GRIK2: variants seen among roughly 807,000 people sequenced by gnomAD.
The protein encoded by GRIK2 is glutamate receptor ionotropic, kainate 2.
Under a neutral mutation model 100.3 loss-of-function variants are expected in GRIK2, and 32 were observed. The observed-to-expected ratio is 0.32, with a 90% CI of 0.24 to 0.43. The LOEUF (loss-of-function observed/expected upper bound fraction) is 0.43, where lower values mean the gene tolerates loss of function less well. Among genes scored for constraint, GRIK2 ranks in the 20% least tolerant of loss-of-function variants. The probability of loss-of-function intolerance (pLI) is 1.00; values close to 1 mark genes in which losing one functional copy is unlikely to be tolerated. For missense variants in GRIK2, 843 were observed against 1,114.9 expected, an observed-to-expected ratio of 0.76 and a Z score of 3.47; for synonymous variants, 417 against 389.4, an observed-to-expected ratio of 1.07 and a Z score of -0.83.
At chr6:101,956,452 T>G (rs1175617253) in intron 14 of GRIK2, among the ~76,000 whole-genome samples, 1 of 152,092 alleles carries the variant, frequency 6.6e-6, no homozygotes, top group Non-Finnish European at 1.5e-5. Flanking sequence ...TGCGTAGTGG[T>G]GAAGTCTTGG....
At chr6:101,524,718 G>GTTTTTTTTTTTT (rs11339091) in intron 2 of GRIK2, among the ~76,000 whole-genome samples, 2 of 134,284 alleles carry the variant, frequency 1.5e-5, no homozygotes, top group Non-Finnish European at 3.2e-5. Context: ...TTGCATGTTC[G>GTTTTTTTTTTTT]TTTTTTTTTT....
chr6:101,759,877 A>AATT (rs1777386131), intron 7 of GRIK2, among the ~76,000 whole-genome samples: 1 of 132,328 alleles, frequency 7.6e-6, no homozygotes, highest in East Asian at 2.5e-4. Context: ...ATTTATTTTT[A>AATT]TTTTTATTTT....
chr6:101,530,655 G>C (rs1301008754), intron 2 of GRIK2, among the ~76,000 whole-genome samples: 1 of 151,984 alleles, frequency 6.6e-6, no homozygotes, highest in Non-Finnish European at 1.5e-5. Context: ...TTTTGAATGA[G>C]TAATGATTAC....
At position 101,548,332 on chromosome 6, in the gene GRIK2, C is replaced by T. The variant is rs1582691080; in HGVS notation, c.116-73617C>T. 5.3e-5 allele frequency among the ~76,000 whole-genome samples: 8 copies of T among 152,130 alleles called. No homozygotes were observed. The South Asian group carries it at 1.7e-3, about 32-fold the overall frequency. ...AGAAGCTCCTTAGTTGAATTAGATC[C>T]CATTTGTCAATTTTGGCTTTTGTTG... On this transcript the variant is annotated intron_variant, in intron 2 of 16. Transcript: ENST00000369134.
chr6:102,019,735 A>T (rs947491621), intron 14 of GRIK2, among the ~76,000 whole-genome samples: 4 of 152,022 alleles, frequency 2.6e-5, no homozygotes, highest in African/African-American at 4.8e-5. Context: ...TCACAGCAAG[A>T]GCATTGCTCT....
intron 11 of GRIK2, among the ~76,000 whole-genome samples, chr6:101,883,255 T>A (rs1224402436): frequency 1.3e-5 from 2 of 148,776 alleles, no homozygotes; most frequent in East Asian, 2.0e-4. Context: ...AAAAAATCAA[T>A]GAAAATACAA....
intron 16 of GRIK2, chr6:102,065,726 A>T: frequency 2.2e-6 from 2 of 905,870 alleles, no homozygotes; most frequent in Non-Finnish European, 3.3e-6. Context: ...TAACAATTTT[A>T]AATGTCAACG....
chr6:101,697,580 C>T (rs1024893958), intron 7 of GRIK2, among the ~76,000 whole-genome samples: 14 of 151,816 alleles, frequency 9.2e-5, no homozygotes, highest in Non-Finnish European at 1.9e-4. Context: ...CAGATCATTT[C>T]GTTTTTAAGT....
At chr6:101,771,984 C>T (rs1234315497) in intron 7 of GRIK2, among the ~76,000 whole-genome samples, 1 of 152,050 alleles carries the variant, frequency 6.6e-6, no homozygotes, top group Non-Finnish European at 1.5e-5. Flanking sequence ...AATAGTGTCG[C>T]AATAAACATA....
At chr6:101,819,006 G>A (rs150318923) in intron 10 of GRIK2, among the ~76,000 whole-genome samples, 44 of 152,146 alleles carry the variant, frequency 2.9e-4, no homozygotes, top group Non-Finnish European at 5.3e-4. Flanking sequence ...AATGGCAAGT[G>A]CTTTTTAAAG....
intron 14 of GRIK2, among the ~76,000 whole-genome samples, chr6:101,973,899 T>C (rs9498777): frequency 0.016 from 2,474 of 151,950 alleles, 72 homozygotes; most frequent in African/African-American, 0.058. Flanking sequence ...TCTGGAGAGG[T>C]CTTACAAGTG....
intron 2 of GRIK2, among the ~76,000 whole-genome samples, chr6:101,590,568 G>T (rs966970358): frequency 2.4e-4 from 36 of 152,016 alleles, no homozygotes; most frequent in African/African-American, 8.5e-4. Context: ...CAGTGCTTCA[G>T]TGAACATTGT....
In GRIK2 at chr6:101,889,635, TACAGAAAGCTGACC is replaced by T; in HGVS notation, c.1525-4_1534del. 7.5e-7 allele frequency: 1 copy of T among 1,334,796 alleles called. No homozygotes were observed. 82.7% of individuals were successfully genotyped at this position (1,334,796 alleles called of 1,614,324 possible). On this transcript the variant is annotated splice_acceptor_variant and splice_polypyrimidine_tract_variant and coding_sequence_variant and intron_variant, in exon 12 of 17. Coordinates refer to ENST00000369134, the MANE Select transcript of GRIK2 (RefSeq NM_021956.5). LOFTEE classifies it high-confidence loss of function. Reference sequence around the variant, plus strand: ...TTTTTTTTTTTTGTTTGTTTCTGTCTACAGAAAGCTGACCTTGCAGTTGCTCCACTGGCTATTAC... The same window carrying T: ...TTTTTTTTTTTTGTTTGTTTCTGTCTTTGCAGTTGCTCCACTGGCTATTAC...
At chr6:101,595,591 TACAC>T (rs748144806) in intron 2 of GRIK2, among the ~76,000 whole-genome samples, 1 of 151,094 alleles carries the variant, frequency 6.6e-6, no homozygotes, top group African/African-American at 2.4e-5. Flanking sequence ...TGTATATATA[TACAC>T]ACACACAGGT....
intron 7 of GRIK2, among the ~76,000 whole-genome samples, chr6:101,751,940 TGAG>T (rs1299951498): frequency 6.6e-6 from 1 of 152,202 alleles, no homozygotes; most frequent in Non-Finnish European, 1.5e-5. Flanking sequence ...AGGGGCTAAA[TGAG>T]GAGATTCTAT....
At chr6:101,394,089 A>C (rs1041464243) in intron 1 of GRIK2, among the ~76,000 whole-genome samples, 1 of 152,138 alleles carries the variant, frequency 6.6e-6, no homozygotes, top group African/African-American at 2.4e-5. Flanking sequence ...GCAGTCGCCT[A>C]TGTTCTCCAC....
chr6:101,633,237 A>G (rs1027465728), intron 4 of GRIK2, among the ~76,000 whole-genome samples: 1 of 152,122 alleles, frequency 6.6e-6, no homozygotes, highest in Non-Finnish European at 1.5e-5. Context: ...CCACCATGGA[A>G]TGCCTCAAAA....
chr6:101,541,978 C>A (rs998388602), intron 2 of GRIK2, among the ~76,000 whole-genome samples: 1 of 151,950 alleles, frequency 6.6e-6, no homozygotes, highest in Admixed American at 6.6e-5. Flanking sequence ...TACTTATTAG[C>A]AAAATGTAAT....
intron 4 of GRIK2, among the ~76,000 whole-genome samples, chr6:101,641,041 A>T (rs1781256752): frequency 6.6e-6 from 1 of 152,104 alleles, no homozygotes; most frequent in Non-Finnish European, 1.5e-5. Context: ...TATTCTGCTA[A>T]ATATTCTTGT....
Sources: gnomAD v4.1 joint callset for allele counts (sites outside exome capture counted in the v4.1 genomes callset) on GRCh38, gnomAD v4.1.1 for gene constraint, MANE v1.5 for transcripts, NCBI Gene and HGNC (gene_info 2026-07-23, HGNC 2026-07-21) for gene names.